The following PPP2R2B variants were observed in gnomAD, a reference collection of about 807,000 sequenced individuals.
PPP2R2B encodes the protein protein phosphatase 2 regulatory subunit Bbeta, also known as serine/threonine-protein phosphatase 2A 55 kDa regulatory subunit B beta isoform.
In PPP2R2B, 5 loss-of-function variants were observed where a neutral mutation model predicts 46.0. That is an observed-to-expected ratio of 0.11 (90% CI 0.06 to 0.23). PPP2R2B has a LOEUF of 0.23. Among genes scored for constraint, PPP2R2B ranks in the 10% least tolerant of loss-of-function variants. The probability of loss-of-function intolerance (pLI) is 1.00; values close to 1 mark genes in which losing one functional copy is unlikely to be tolerated. For missense variants in PPP2R2B, 367 were observed against 575.0 expected (o/e 0.64, Z 3.70); for synonymous variants, 215 against 206.7 (o/e 1.04, Z -0.34).
intron 2 of PPP2R2B, among the ~76,000 whole-genome samples, chr5:146,820,733 A>G (rs1213759679): frequency 6.6e-6 from 1 of 151,954 alleles, no homozygotes; most frequent in Non-Finnish European, 1.5e-5. Flanking sequence ...TGAGTCCTAA[A>G]TTGACCTCCG....
At chr5:146,834,201 A>G (rs1028531607) in intron 2 of PPP2R2B, among the ~76,000 whole-genome samples, 1 of 152,202 alleles carries the variant, frequency 6.6e-6, no homozygotes, top group African/African-American at 2.4e-5. Flanking sequence ...ACAAGGTCCT[A>G]GGTGCTTTAT....
intron 7 of PPP2R2B, among the ~76,000 whole-genome samples, chr5:146,604,226 C>T (rs537043041): frequency 1.3e-5 from 2 of 152,262 alleles, no homozygotes; most frequent in South Asian, 4.2e-4. Context: ...ATGGAACTGG[C>T]TAGTGGAAGG....
chr5:146,989,045 G>C (rs995467708), intron 1 of PPP2R2B, among the ~76,000 whole-genome samples: 8 of 151,938 alleles, frequency 5.3e-5, no homozygotes, highest in African/African-American at 1.2e-4. Context: ...TACCAAAATT[G>C]GATCATGAAG....
At chr5:146,870,400 C>CAAT (rs1561974871) in intron 2 of PPP2R2B, among the ~76,000 whole-genome samples, 1 of 152,110 alleles carries the variant, frequency 6.6e-6, no homozygotes. Context: ...CCAGAGATTG[C>CAAT]GCTCTCTCTT....
In PPP2R2B at chr5:146,584,898, T is replaced by C. The variant is rs1004078211; in HGVS notation, c.*5049A>G. 31 of 152,324 alleles carry C rather than the reference T, an allele frequency of 2.0e-4. No homozygotes were observed. Among genetic ancestry groups the C allele is most frequent in the African/African-American group, 7.2e-4 (30 of 41,566 alleles). The allele number at this position is 152,324 out of a possible 1,614,324, so 9.4% of individuals were successfully genotyped here. Reference sequence around the variant, plus strand: ...ATTCTGGTATATGTTGGTCTACCTATTGGAAACGCTGTATCATGCTTTGTT... The same window carrying C: ...ATTCTGGTATATGTTGGTCTACCTACTGGAAACGCTGTATCATGCTTTGTT... On this transcript the variant is annotated 3_prime_UTR_variant, in exon 10 of 10. Coordinates refer to ENST00000394411, the MANE Select transcript of PPP2R2B (RefSeq NM_181675.4).
At chr5:146,592,129 C>G (rs1770723161) in intron 9 of PPP2R2B, 1 of 446,780 alleles carries the variant, frequency 2.2e-6, no homozygotes, top group Non-Finnish European at 4.5e-6. Context: ...TTGCTTTGCT[C>G]TCTGTCCTAT....
At chr5:146,602,756 T>A (rs530096777) in intron 7 of PPP2R2B, among the ~76,000 whole-genome samples, 7 of 152,262 alleles carry the variant, frequency 4.6e-5, no homozygotes, top group East Asian at 1.9e-4. Flanking sequence ...GCAAAAATTT[T>A]AAAAAAATCA....
intron 2 of PPP2R2B, among the ~76,000 whole-genome samples, chr5:146,845,593 T>A (rs1015310867): frequency 1.5e-4 from 23 of 152,138 alleles, no homozygotes; most frequent in African/African-American, 5.6e-4. Context: ...TCATGTCTCC[T>A]CCATAAAGGT....
At chr5:146,828,279 T>A (rs1011740017) in intron 2 of PPP2R2B, among the ~76,000 whole-genome samples, 1 of 151,870 alleles carries the variant, frequency 6.6e-6, no homozygotes, top group Non-Finnish European at 1.5e-5. Flanking sequence ...AAAAAGACAT[T>A]CTCTTGCTGT....
chr5:146,872,679 G>A (rs1761683089), intron 2 of PPP2R2B, among the ~76,000 whole-genome samples: 1 of 152,052 alleles, frequency 6.6e-6, no homozygotes. Context: ...CTCAAACCTG[G>A]AGACGTTCTA....
At chr5:146,769,888 C>T (rs1054776088) in intron 2 of PPP2R2B, among the ~76,000 whole-genome samples, 1 of 152,102 alleles carries the variant, frequency 6.6e-6, no homozygotes, top group African/African-American at 2.4e-5. Context: ...TAAAAATACA[C>T]ATGTACTTGT....
chr5:146,963,799 C>T (rs1339178998), intron 1 of PPP2R2B, among the ~76,000 whole-genome samples: 1 of 152,154 alleles, frequency 6.6e-6, no homozygotes, highest in Non-Finnish European at 1.5e-5. Flanking sequence ...AAAATTCTGG[C>T]TTTGTTTAAT....
intron 2 of PPP2R2B, among the ~76,000 whole-genome samples, chr5:146,848,133 T>G (rs1359182120): frequency 7.3e-6 from 1 of 137,318 alleles, no homozygotes; most frequent in East Asian, 2.3e-4. Flanking sequence ...TGTTTCTTAT[T>G]CTTTAGTTTT....
intron 1 of PPP2R2B, among the ~76,000 whole-genome samples, chr5:147,023,916 T>C (rs909709074): frequency 6.6e-6 from 1 of 151,814 alleles, no homozygotes; most frequent in Non-Finnish European, 1.5e-5. Context: ...GCATCAAAAC[T>C]CCAGGTTCTT....
chr5:146,859,343 A>G (rs1760850883), intron 2 of PPP2R2B, among the ~76,000 whole-genome samples: 1 of 152,214 alleles, frequency 6.6e-6, no homozygotes, highest in South Asian at 2.1e-4. Flanking sequence ...CTTGCCTAAT[A>G]TTTAGCTGCT....
At chr5:146,606,783 T>C (rs1399659603) in intron 7 of PPP2R2B, among the ~76,000 whole-genome samples, 2 of 152,170 alleles carry the variant, frequency 1.3e-5, no homozygotes, top group Admixed American at 6.5e-5. Flanking sequence ...ATACACCTCC[T>C]TGGTCCAAGT....
chr5:146,624,186 A>C (rs1262392367), intron 7 of PPP2R2B, among the ~76,000 whole-genome samples: 1 of 152,220 alleles, frequency 6.6e-6, no homozygotes, highest in Non-Finnish European at 1.5e-5. Flanking sequence ...AATGAAGATA[A>C]ATCAATGAGA....
At chr5:146,673,449 GT>G (rs1777499158) in intron 5 of PPP2R2B, among the ~76,000 whole-genome samples, 1 of 150,054 alleles carries the variant, frequency 6.7e-6, no homozygotes. Context: ...TTTTGGGTTT[GT>G]TTTTATCTAA....
chr5:146,959,997 C>T (rs566057559), intron 1 of PPP2R2B, among the ~76,000 whole-genome samples: 68 of 152,268 alleles, frequency 4.5e-4, no homozygotes, highest in African/African-American at 1.6e-3. Context: ...GTTTTAAGCA[C>T]GGAAATGTCA....
Sources: allele counts gnomAD v4.1 joint callset (sites outside exome capture counted in the v4.1 genomes callset), GRCh38; gene constraint gnomAD v4.1.1; transcripts MANE v1.5; gene names NCBI Gene and HGNC (gene_info 2026-07-23, HGNC 2026-07-21).